The following ZBTB25 variants were observed in gnomAD, a reference collection of about 807,000 sequenced individuals.
ZBTB25 encodes the protein zinc finger and BTB domain-containing protein 25.
ZBTB25 carries 20 observed loss-of-function variants against 34.2 expected under a neutral mutation model. That is an observed-to-expected ratio of 0.58 (90% confidence interval 0.41 to 0.85). The LOEUF is 0.85. Ranked by LOEUF, ZBTB25 falls within the 40% of genes least tolerant of loss-of-function variation. ZBTB25 has a pLI of 0.00. For missense variants in ZBTB25, 437 were observed against 521.8 expected (o/e 0.84, Z 1.58); for synonymous variants, 175 against 186.4 (o/e 0.94, Z 0.50).
chr14:64,503,883 G>C (rs2079584651), upstream of ZBTB25: 1 of 152,398 alleles, frequency 6.6e-6, no homozygotes, highest in Non-Finnish European at 1.5e-5. Context: ...GTGCGTACGT[G>C]CGCGCCCTCC....
intron 2 of ZBTB25, chr14:64,467,418 T>A (rs903771146): frequency 6.6e-6 from 1 of 152,224 alleles, no homozygotes; most frequent in Non-Finnish European, 1.5e-5. Flanking sequence ...GTGCAGATTA[T>A]GGTGGAAACA....
rs2078939506 is a variant in ZBTB25 at position 64,488,018 on chromosome 14, G to A, written c.213C>T (p.Asp71=). The A allele has an allele frequency of 1.2e-6, 2 of 1,613,322 alleles. No individual in the cohort carries two copies. The highest frequency in any genetic ancestry group is 2.7e-5 in the African/African-American group (2 of 74,898). Residue 71 remains aspartate, a synonymous_variant, in exon 3 of 3, where the codon GAC becomes GAT. Transcript: ENST00000608382. ...IKIQPTDIQP[D]IFSYLLHIMY... ...TAATGTGCAACAAATAGCTGAATAT[G>A]TCAGGTTGGATGTCAGTTGGTTGTA...
intron 2 of ZBTB25, chr14:64,471,704 A>G: frequency 6.2e-6 from 1 of 161,146 alleles, no homozygotes; most frequent in South Asian, 2.2e-4. Flanking sequence ...TACTACTTGA[A>G]ACAGATGAAG....
chr14:64,495,411 C>A (rs1432653210), intron 1 of ZBTB25, among the ~76,000 whole-genome samples: 2 of 152,156 alleles, frequency 1.3e-5, no homozygotes, highest in African/African-American at 4.8e-5. Flanking sequence ...GGGGTTCTGC[C>A]ACTCCAACAT....
Position 64,487,993 on chromosome 14 carries a change from T to C in ZBTB25, c.238A>G (p.Met80Val). The change falls in exon 3 of 3, where the codon ATG (methionine) becomes GTG (valine). Residue 80 changes from methionine (M) to valine (V), a missense_variant. By Grantham distance (21) the Met-to-Val change is conservative (BLOSUM62 1). Coordinates refer to ENST00000608382, the MANE Select transcript of ZBTB25 (RefSeq NM_006977.5). Reference sequence around the variant, plus strand: ...TGTTTTGGCCCTTTCCCCGTGTACATAATGTGCAACAAATAGCTGAATATG... The same window carrying C: ...TGTTTTGGCCCTTTCCCCGTGTACACAATGTGCAACAAATAGCTGAATATG... Reference protein sequence around the residue: ...PDIFSYLLHIMYTGKGPKQIV... With the variant: ...PDIFSYLLHIVYTGKGPKQIV... 1 of 1,614,156 alleles carries C rather than the reference T, an allele frequency of 6.2e-7. No individual in the cohort carries two copies. Among genetic ancestry groups the C allele is most frequent in the South Asian group, 1.1e-5 (1 of 91,076 alleles).
chr14:64,487,146 C>G lies in ZBTB25; in HGVS notation c.1085G>C (p.Ser362Thr), dbSNP rs975005227. The change falls in exon 3 of 3, where the codon AGC (serine) becomes ACC (threonine). Residue 362 changes from serine to threonine, a missense_variant. Physicochemically the swap from Ser to Thr is moderately conservative, Grantham distance 58. Transcript: ENST00000608382. Reference sequence around the variant, plus strand: ...TGTATACATGTGTTCCAACAATTGGCTCTTTCGAGGGAATTTATGACCACA... The same window carrying G: ...TGTATACATGTGTTCCAACAATTGGGTCTTTCGAGGGAATTTATGACCACA... ...TICGHKFPRKSQLLEHMYTHK... is the reference protein window; with the variant it reads ...TICGHKFPRKTQLLEHMYTHK... The G allele has an allele frequency of 1.1e-5, 18 of 1,613,892 alleles. No individual in the cohort carries two copies. The African/African-American group carries it at 1.6e-4, about 14-fold the overall frequency.
Position 64,457,531 on chromosome 14 carries a change from C to T in ZBTB25, c.174-7893G>A, listed in dbSNP as rs539036960. On this transcript the variant is annotated intron_variant, in intron 2 of 2. Coordinates refer to the ZBTB25 transcript ENST00000555220. ...AGTGCAGTGGCAAGATCTCGGCTCA[C>T]TGCAACCTCCGCCTCCCAGGTTCAA... Among the ~76,000 whole-genome samples the T allele has an allele frequency of 2.0e-5, 3 of 151,766 alleles. No homozygotes were observed. In the East Asian group the frequency reaches 5.8e-4, roughly 29 times the overall value.
rs1312466468 is a variant in ZBTB25 at position 64,485,445 on chromosome 14, C to A, written c.*1478G>T. On this transcript the variant is annotated 3_prime_UTR_variant, in exon 3 of 3. Coordinates refer to ENST00000608382, the MANE Select transcript of ZBTB25 (RefSeq NM_006977.5). ...CATTTCAGAAACAATTTAGATCTATCCTTTGTGGTGAAGCTTAACCAGCTA... is the reference window on the plus strand; with the variant it reads ...CATTTCAGAAACAATTTAGATCTATACTTTGTGGTGAAGCTTAACCAGCTA... 2 of 985,214 alleles carry A rather than the reference C, an allele frequency of 2.0e-6. No individual in the cohort carries two copies. The highest frequency in any genetic ancestry group is 3.5e-5 in the African/African-American group (2 of 57,218). The allele number at this position is 985,214 out of a possible 1,614,324, so 61.0% of individuals were successfully genotyped here. A position where few individuals can be genotyped will look rare whatever the true frequency, so the allele number is the denominator to read the frequency against.
At chr14:64,451,491 C>T (rs2078372386) in intron 2 of ZBTB25, among the ~76,000 whole-genome samples, 1 of 152,210 alleles carries the variant, frequency 6.6e-6, no homozygotes, top group Admixed American at 6.5e-5. Context: ...TCCTGTTGAG[C>T]TTTGATTTTA....
rs2078815001 is a variant in ZBTB25, at chr14:64,483,230, T to A, written c.*3693A>T. ...ACTATTAGGATACTGGCTAACAGTA[T>A]AGCTCCATTTTGTGGAGATGTAGTC... On this transcript the variant is annotated 3_prime_UTR_variant, in exon 3 of 3. Coordinates refer to ENST00000608382, the MANE Select transcript of ZBTB25 (RefSeq NM_006977.5). The A allele has an allele frequency of 6.6e-6, 1 of 152,200 alleles. No homozygotes were observed. The highest frequency in any genetic ancestry group is 6.5e-5 in the Admixed American group (1 of 15,280). The allele number at this position is 152,200 out of a possible 1,614,324, so 9.4% of individuals were successfully genotyped here. A position where few individuals can be genotyped will look rare whatever the true frequency, so the allele number is the denominator to read the frequency against.
At chr14:64,471,606 T>C (rs2078672527) in intron 2 of ZBTB25, 1 of 167,120 alleles carries the variant, frequency 6.0e-6, no homozygotes, top group Non-Finnish European at 1.5e-5. Flanking sequence ...TTGTGTGAAA[T>C]GGCCATAATA....
chr14:64,501,751 G>T (rs909898771), intron 1 of ZBTB25, among the ~76,000 whole-genome samples: 3 of 152,182 alleles, frequency 2.0e-5, no homozygotes, highest in Non-Finnish European at 4.4e-5. Context: ...CCCTGGCCAG[G>T]ATATTTTACG....
intron 1 of ZBTB25, among the ~76,000 whole-genome samples, chr14:64,500,894 T>C (rs1432781191): frequency 6.6e-6 from 1 of 152,044 alleles, no homozygotes; most frequent in African/African-American, 2.4e-5. Flanking sequence ...CTACTAAAAA[T>C]ACAAAAATTA....
rs139631895 is a variant in ZBTB25, at chr14:64,481,703, A to T, written c.*5220T>A. On this transcript the variant is annotated 3_prime_UTR_variant, in exon 3 of 3. Transcript: ENST00000608382. ...TCCAGGTCTTCAAGACAAAAATCAC[A>T]GTTTGTAATTCCTTGTATTTAAGAC... 19 of 152,352 alleles carry T rather than the reference A, an allele frequency of 1.2e-4. No homozygotes were observed. The highest frequency in any genetic ancestry group is 2.5e-4 in the Non-Finnish European group (17 of 68,046). The allele number at this position is 152,352 out of a possible 1,614,324, so 9.4% of individuals were successfully genotyped here. A position where few individuals can be genotyped will look rare whatever the true frequency, so the allele number is the denominator to read the frequency against.
chr14:64,487,979 T>C lies in ZBTB25; in HGVS notation c.252A>G (p.Lys84=), dbSNP rs751378134. The change falls in exon 3 of 3, where the codon AAA becomes AAG. Residue 84 remains lysine, a synonymous_variant. Transcript: ENST00000608382. ...TATGATCCACAATCTGTTTTGGCCCTTTCCCCGTGTACATAATGTGCAACA... is the reference window on the plus strand; with the variant it reads ...TATGATCCACAATCTGTTTTGGCCCCTTCCCCGTGTACATAATGTGCAACA... ...SYLLHIMYTG[K]GPKQIVDHSR... is the part of the protein sequence containing the mutation. 4 of 1,614,092 alleles carry C rather than the reference T, an allele frequency of 2.5e-6. No individual in the cohort carries two copies. Among genetic ancestry groups the C allele is most frequent in the East Asian group, 4.5e-5 (2 of 44,888 alleles).
In ZBTB25 at chr14:64,488,007, T is replaced by C. The variant is rs768710452; in HGVS notation, c.224A>G (p.Tyr75Cys). 6 of 1,613,950 alleles carry C rather than the reference T, an allele frequency of 3.7e-6. No homozygotes were observed. The South Asian group carries it at 4.4e-5, about 12-fold the overall frequency. Residue 75 changes from tyrosine (Y) to cysteine (C), a missense_variant, in exon 3 of 3, where the codon TAT becomes TGT. By Grantham distance (194) the Tyr-to-Cys change is radical. Coordinates refer to ENST00000608382, the MANE Select transcript of ZBTB25 (RefSeq NM_006977.5). ...PTDIQPDIFS[Y>C]LLHIMYTGKG... ...CCCCGTGTACATAATGTGCAACAAA[T>C]AGCTGAATATGTCAGGTTGGATGTC...
Position 64,469,330 on chromosome 14 carries a change from C to T in ZBTB25, c.174-19692G>A, listed in dbSNP as rs770626083. 4.3e-6 allele frequency: 7 copies of T among 1,613,386 alleles called. No individual in the cohort carries two copies. In the African/African-American group the frequency reaches 9.4e-5, roughly 22 times the overall value. ...CTAAGCCAAAAGATACTGAATTGAG[C>T]CAAGAATCAGATTTTAAAGAAAATG... On this transcript the variant is annotated intron_variant, in intron 2 of 2. Coordinates refer to the ZBTB25 transcript ENST00000555220.
At chr14:64,502,652 C>A in intron 1 of ZBTB25, 6 of 985,396 alleles carry the variant, frequency 6.1e-6, no homozygotes, top group Non-Finnish European at 6.0e-6. Flanking sequence ...TATATAATGA[C>A]CTCCGCCGGA....
chr14:64,458,465 G>T, intron 2 of ZBTB25: 1 of 679,692 alleles, frequency 1.5e-6, no homozygotes, highest in Non-Finnish European at 2.7e-6. Context: ...AATGAGAGTT[G>T]GCAATAACCA....
Sources: gnomAD v4.1 joint callset for allele counts (sites outside exome capture counted in the v4.1 genomes callset) on GRCh38, gnomAD v4.1.1 for gene constraint, MANE v1.5 for transcripts, NCBI Gene and HGNC (gene_info 2026-07-23, HGNC 2026-07-21) for gene names.